EIPR1: variants seen among roughly 807,000 people sequenced by gnomAD.
EIPR1 encodes the protein EARP and GARP complex-interacting protein 1.
In EIPR1, 25 loss-of-function variants were observed where a neutral mutation model predicts 48.1. That is an observed-to-expected ratio of 0.52 (90% CI 0.38 to 0.73). The LOEUF (loss-of-function observed/expected upper bound fraction) is 0.73, where lower values mean the gene tolerates loss of function less well. Ranked by LOEUF, EIPR1 falls within the 30% of genes least tolerant of loss-of-function variation. The pLI is 0.00. For synonymous variants in EIPR1, 204 were observed against 201.9 expected (o/e 1.01, Z -0.09); for missense variants, 415 against 506.2 (o/e 0.82, Z 1.73).
chr2:3,199,072 G>GCCCC lies in EIPR1; in HGVS notation c.517-2059_517-2056dup, dbSNP rs986945204. 5.3e-4 allele frequency among the ~76,000 whole-genome samples: 13 copies of GCCCC among 24,414 alleles called. 3 individuals carry two copies. Among genetic ancestry groups the GCCCC allele is most frequent in the African/African-American group, 1.4e-3 (12 of 8,488 alleles). The allele number at this position is 24,414 out of a possible 152,430, so 16.0% of individuals were successfully genotyped here. A position where few individuals can be genotyped will look rare whatever the true frequency, so the allele number is the denominator to read the frequency against. On this transcript the variant is annotated intron_variant, in intron 5 of 8. Transcript: ENST00000382125. ...GGCCATTTTAGAGGGCCCCCCCCCC[G>GCCCC]CCCCGGGAATGCATTCTTTTCCCGG...
At chr2:3,375,286 C>G (rs1397138928) in intron 1 of EIPR1, among the ~76,000 whole-genome samples, 1 of 148,874 alleles carries the variant, frequency 6.7e-6, no homozygotes, top group South Asian at 2.1e-4. Flanking sequence ...TGCTGAATGA[C>G]GAGTTAATGG....
At chr2:3,330,774 C>A (rs996073953) in intron 3 of EIPR1, among the ~76,000 whole-genome samples, 1 of 150,826 alleles carries the variant, frequency 6.6e-6, no homozygotes, top group Non-Finnish European at 1.5e-5. Context: ...TGAGCAGAGG[C>A]AAGCGCATGT....
chr2:3,272,272 TGTTCACTG>T (rs1558265373), intron 3 of EIPR1, among the ~76,000 whole-genome samples: 1 of 152,268 alleles, frequency 6.6e-6, no homozygotes, highest in Non-Finnish European at 1.5e-5. Flanking sequence ...ATCATTTGTG[TGTTCACTG>T]GAGTAGCACT....
At chr2:3,307,917 T>C (rs1668996849) in intron 3 of EIPR1, among the ~76,000 whole-genome samples, 1 of 152,168 alleles carries the variant, frequency 6.6e-6, no homozygotes, top group African/African-American at 2.4e-5. Context: ...CATGACCCAT[T>C]GTATACATGT....
At chr2:3,228,844 G>C (rs116689509) in intron 4 of EIPR1, among the ~76,000 whole-genome samples, 5 of 152,172 alleles carry the variant, frequency 3.3e-5, no homozygotes, top group Non-Finnish European at 7.3e-5. Flanking sequence ...GAAGGTGCCT[G>C]CTTCTTCTTT....
At chr2:3,270,081 G>A (rs1667658414) in intron 3 of EIPR1, among the ~76,000 whole-genome samples, 1 of 152,242 alleles carries the variant, frequency 6.6e-6, no homozygotes, top group Admixed American at 6.5e-5. Flanking sequence ...ACATTGTCCA[G>A]ATGGGCAGAT....
chr2:3,313,056 T>C (rs1669176184), intron 3 of EIPR1, among the ~76,000 whole-genome samples: 1 of 152,134 alleles, frequency 6.6e-6, no homozygotes, highest in African/African-American at 2.4e-5. Flanking sequence ...GTACAGGACG[T>C]ATATTACCTA....
intron 5 of EIPR1, chr2:3,208,659 T>C: frequency 6.4e-7 from 1 of 1,550,638 alleles, no homozygotes; most frequent in Non-Finnish European, 8.7e-7. Context: ...TATGGCTGAC[T>C]TCTTGCAGTC....
chr2:3,305,462 C>G (rs1469679958), intron 3 of EIPR1, among the ~76,000 whole-genome samples: 3 of 151,506 alleles, frequency 2.0e-5, no homozygotes, highest in Non-Finnish European at 4.4e-5. Context: ...CCAATCCCGT[C>G]CAGTTCAACC....
At chr2:3,311,793 T>C (rs1203719162) in intron 3 of EIPR1, among the ~76,000 whole-genome samples, 1 of 145,256 alleles carries the variant, frequency 6.9e-6, no homozygotes, top group Non-Finnish European at 1.5e-5. Context: ...GGGGGCTCCA[T>C]TCGCGGGGTG....
chr2:3,236,149 G>A (rs1413238443), intron 4 of EIPR1, among the ~76,000 whole-genome samples: 1 of 152,154 alleles, frequency 6.6e-6, no homozygotes, highest in Non-Finnish European at 1.5e-5. Context: ...ACCCTGTGAG[G>A]CAGGGAGGCT....
At chr2:3,307,538 C>T (rs1224871232) in intron 3 of EIPR1, among the ~76,000 whole-genome samples, 3 of 152,184 alleles carry the variant, frequency 2.0e-5, no homozygotes, top group Admixed American at 2.0e-4. Flanking sequence ...CACCAGGCAG[C>T]CAGGAAACAA....
At chr2:3,279,041 CA>C (rs1160743969) in intron 3 of EIPR1, among the ~76,000 whole-genome samples, 4 of 152,202 alleles carry the variant, frequency 2.6e-5, no homozygotes, top group African/African-American at 9.6e-5. Flanking sequence ...ACTTTCTGGA[CA>C]GTGACTCGAC....
At chr2:3,306,152 G>A (rs920007298) in intron 3 of EIPR1, among the ~76,000 whole-genome samples, 3 of 152,218 alleles carry the variant, frequency 2.0e-5, no homozygotes, top group Non-Finnish European at 4.4e-5. Context: ...ACAGAGGCCC[G>A]AAGTCATCAT....
intron 3 of EIPR1, among the ~76,000 whole-genome samples, chr2:3,330,926 AAGTG>A (rs1669873824): frequency 3.0e-5 from 4 of 132,578 alleles, no homozygotes; most frequent in South Asian, 5.2e-4. Context: ...AGAGACTGGC[AAGTG>A]TACACTCGTG....
intron 4 of EIPR1, among the ~76,000 whole-genome samples, chr2:3,227,329 T>C (rs1478930015): frequency 6.6e-6 from 1 of 152,218 alleles, no homozygotes; most frequent in East Asian, 1.9e-4. Flanking sequence ...TGGTCCGATA[T>C]GGAGAACTGG....
chr2:3,238,463 G>A (rs1666487380), intron 4 of EIPR1, among the ~76,000 whole-genome samples: 1 of 152,144 alleles, frequency 6.6e-6, no homozygotes, highest in Non-Finnish European at 1.5e-5. Context: ...GTTCTCTTCT[G>A]CTTTTAAGGC....
rs898167040 is a variant in EIPR1 at position 3,189,140 on chromosome 2, C to T, written c.*194G>A. The T allele has an allele frequency of 1.7e-5, 8 of 459,598 alleles. No individual in the cohort carries two copies. Among genetic ancestry groups the T allele is most frequent in the South Asian group, 1.7e-4 (2 of 11,468 alleles). The allele number at this position is 459,598 out of a possible 1,614,324, so 28.5% of individuals were successfully genotyped here. On this transcript the variant is annotated 3_prime_UTR_variant, in exon 9 of 9. Coordinates refer to ENST00000382125, the MANE Select transcript of EIPR1 (RefSeq NM_003310.5). This position sits in a 1 kb window ranked among gnomAD's most constrained non-coding sequence, Gnocchi z 4.6. The stretch of plus-strand genomic sequence containing the variant: ...TGTCTCTGCCGACAGGGGCTGGGTT[C>T]GGGCATTAGCTGTGCCGTCGACAAT...
At chr2:3,311,935 T>C (rs888554083) in intron 3 of EIPR1, among the ~76,000 whole-genome samples, 1 of 152,134 alleles carries the variant, frequency 6.6e-6, no homozygotes, top group African/African-American at 2.4e-5. Context: ...CTCTGCTGAA[T>C]CCTGCGGGAA....
Sources: gnomAD v4.1 joint callset for allele counts (sites outside exome capture counted in the v4.1 genomes callset) on GRCh38, gnomAD v4.1.1 for gene constraint, Gnocchi (gnomAD v3.1) non-coding constraint, MANE v1.5 for transcripts, NCBI Gene and HGNC (gene_info 2026-07-23, HGNC 2026-07-21) for gene names.